The following SUFU variants were observed in gnomAD, a reference collection of about 807,000 sequenced individuals.
SUFU encodes the protein SUFU negative regulator of hedgehog signaling.
Under a neutral mutation model 58.9 loss-of-function variants are expected in SUFU, and 7 were observed. The observed-to-expected ratio is 0.12, with a 90% CI of 0.07 to 0.22. The LOEUF (loss-of-function observed/expected upper bound fraction) is 0.22, where lower values mean the gene tolerates loss of function less well. Ranked by LOEUF, SUFU falls within the 10% of genes least tolerant of loss-of-function variation. SUFU has a pLI of 1.00. For missense variants in SUFU, 451 were observed against 641.3 expected (o/e 0.70, Z 3.20); for synonymous variants, 232 against 254.8 (o/e 0.91, Z 0.85).
At chr10:102,588,888 T>C (rs1028528775) in intron 3 of SUFU, among the ~76,000 whole-genome samples, 1 of 152,214 alleles carries the variant, frequency 6.6e-6, no homozygotes, top group African/African-American at 2.4e-5. Flanking sequence ...AAAGAATTGT[T>C]TTTCTTACTT....
chr10:102,531,031 A>G (rs1021854840), intron 2 of SUFU, among the ~76,000 whole-genome samples: 2 of 150,356 alleles, frequency 1.3e-5, no homozygotes, highest in Admixed American at 1.3e-4. Context: ...TGAGCCCAGA[A>G]GTTTGAGACC....
In SUFU at chr10:102,625,700, C is replaced by T. The variant is rs1369458495; in HGVS notation, c.1297-1475C>T. ...GCCTGTTTCCTCCACTGTAAGGAGA[C>T]ATGGAGATGAGCAGTTAGCATGCCC... On this transcript the variant is annotated intron_variant, in intron 10 of 11. Transcript: ENST00000369902. This position sits in a 1 kb window ranked among gnomAD's most constrained non-coding sequence, Gnocchi z 4.7. 6.6e-6 allele frequency among the ~76,000 whole-genome samples: 1 copy of T among 152,170 alleles called. No homozygotes were observed. Among genetic ancestry groups the T allele is most frequent in the Non-Finnish European group, 1.5e-5 (1 of 68,038 alleles).
At chr10:102,624,419 A>G (rs2063768486) in intron 10 of SUFU, among the ~76,000 whole-genome samples, 1 of 152,096 alleles carries the variant, frequency 6.6e-6, no homozygotes, top group South Asian at 2.1e-4. Flanking sequence ...TAACTCCCAA[A>G]GGAAATTAAA....
At chr10:102,606,387 G>A (rs950914985) in intron 8 of SUFU, among the ~76,000 whole-genome samples, 1 of 152,194 alleles carries the variant, frequency 6.6e-6, no homozygotes, top group Non-Finnish European at 1.5e-5. Flanking sequence ...TGGTCCTCGC[G>A]GCTGAGTGGG....
At chr10:102,609,594 T>A (rs992294956) in intron 8 of SUFU, among the ~76,000 whole-genome samples, 1 of 152,230 alleles carries the variant, frequency 6.6e-6, no homozygotes, top group East Asian at 1.9e-4. Flanking sequence ...GTAACATTTA[T>A]CAGTGGCAGA....
intron 3 of SUFU, among the ~76,000 whole-genome samples, chr10:102,578,208 C>T (rs555699050): frequency 7.3e-5 from 11 of 149,950 alleles, no homozygotes; most frequent in African/African-American, 2.7e-4. Context: ...CTCGGGATCG[C>T]GCCACTGCAC....
In SUFU at chr10:102,504,220, C is replaced by T. The variant is rs2062290972; in HGVS notation, c.68C>T (p.Pro23Leu). The change falls in exon 1 of 12, where the codon CCC (proline) becomes CTC (leucine). Residue 23 changes from proline to leucine, a missense_variant. Pro to Leu is a moderately conservative substitution (Grantham distance 98). Transcript: ENST00000369902. ...TAPPAPGPTA[P>L]PAFASLFPPG... ...CCCCCGGCCCCTGGCCCGACTGCCC[C>T]CCCGGCCTTCGCTTCGCTCTTTCCC... 2 of 1,610,996 alleles carry T rather than the reference C, an allele frequency of 1.2e-6. No homozygotes were observed. The highest frequency in any genetic ancestry group is 1.3e-5 in the African/African-American group (1 of 74,862).
At chr10:102,554,806 C>G (rs1367988531) in intron 3 of SUFU, among the ~76,000 whole-genome samples, 1 of 152,186 alleles carries the variant, frequency 6.6e-6, no homozygotes, top group Non-Finnish European at 1.5e-5. Flanking sequence ...TTACTGCCTT[C>G]TTGGGCAACA....
At chr10:102,534,829 G>C (rs1243683009) in intron 2 of SUFU, among the ~76,000 whole-genome samples, 2 of 152,172 alleles carry the variant, frequency 1.3e-5, no homozygotes, top group Non-Finnish European at 2.9e-5. Flanking sequence ...AGCAACAGGA[G>C]GTCTGCGGTT....
chr10:102,532,293 A>G (rs1020852969), intron 2 of SUFU, among the ~76,000 whole-genome samples: 2 of 152,054 alleles, frequency 1.3e-5, no homozygotes, highest in African/African-American at 4.8e-5. Flanking sequence ...GCTTAACCCA[A>G]TTAGATGCCA....
At chr10:102,544,665 C>T (rs1181280218) in intron 2 of SUFU, among the ~76,000 whole-genome samples, 1 of 152,210 alleles carries the variant, frequency 6.6e-6, no homozygotes, top group Admixed American at 6.5e-5. Context: ...TGCCACTGCA[C>T]TCCAGCCTGG....
intron 3 of SUFU, among the ~76,000 whole-genome samples, chr10:102,577,804 C>T (rs1488636708): frequency 6.6e-6 from 1 of 151,264 alleles, no homozygotes; most frequent in African/African-American, 2.4e-5. Context: ...TTTGAGCCTC[C>T]TGAGTAGCTG....
chr10:102,585,712 T>G lies in SUFU; in HGVS notation c.455-6870T>G, dbSNP rs568033083. 5.3e-5 allele frequency among the ~76,000 whole-genome samples: 8 copies of G among 152,016 alleles called. 1 individual carries two copies. Among genetic ancestry groups the G allele is most frequent in the African/African-American group, 1.9e-4 (8 of 41,486 alleles). ...TGTTTGTTTTTTATAGAGATGGGGT[T>G]TTGCCATGGTTGCCCTGGCTGGTCT... is the stretch of plus-strand genomic sequence containing the variant. On this transcript the variant is annotated intron_variant, in intron 3 of 11. Coordinates refer to ENST00000369902, the MANE Select transcript of SUFU (RefSeq NM_016169.4).
chr10:102,585,942 T>C (rs938043341), intron 3 of SUFU, among the ~76,000 whole-genome samples: 1 of 148,416 alleles, frequency 6.7e-6, no homozygotes, highest in Non-Finnish European at 1.5e-5. Flanking sequence ...TGGAAGGCAA[T>C]GGCACGATCC....
At chr10:102,582,159 AG>A (rs1170082645) in intron 3 of SUFU, among the ~76,000 whole-genome samples, 1 of 152,182 alleles carries the variant, frequency 6.6e-6, no homozygotes, top group Non-Finnish European at 1.5e-5. Context: ...GGGCTCCCAA[AG>A]GGAACATTAG....
intron 3 of SUFU, among the ~76,000 whole-genome samples, chr10:102,586,234 T>C (rs1009999952): frequency 1.3e-5 from 2 of 152,190 alleles, no homozygotes; most frequent in African/African-American, 4.8e-5. Flanking sequence ...CCTTTGCTCA[T>C]TTTTAAATTG....
In SUFU at chr10:102,617,216, C is replaced by G. The variant is rs1007139758; in HGVS notation, c.1158-74C>G. 7 of 1,607,214 alleles carry G rather than the reference C, an allele frequency of 4.4e-6. No homozygotes were observed. The highest frequency in any genetic ancestry group is 5.1e-6 in the Non-Finnish European group (6 of 1,174,940). ...GACCATAGTCCCCACTGTCCCAGAG[C>G]CTTGGCCAGGCCTGCTGTGCTTGGA... On this transcript the variant is annotated intron_variant, in intron 9 of 11. Coordinates refer to ENST00000369902, the MANE Select transcript of SUFU (RefSeq NM_016169.4). The surrounding 1 kb of genome is among the most constrained non-coding windows in gnomAD (Gnocchi z 4.4).
chr10:102,600,386 T>A (rs1204250979), intron 8 of SUFU, among the ~76,000 whole-genome samples: 3 of 152,164 alleles, frequency 2.0e-5, no homozygotes, highest in Non-Finnish European at 4.4e-5. Flanking sequence ...TATTACACAT[T>A]TGCTGTCTGA....
At chr10:102,624,335 G>A (rs1259906992) in intron 10 of SUFU, among the ~76,000 whole-genome samples, 2 of 152,190 alleles carry the variant, frequency 1.3e-5, no homozygotes, top group Non-Finnish European at 1.5e-5. Flanking sequence ...GATAAGATCT[G>A]TTAACATTCT....
Sources: gnomAD v4.1 joint callset for allele counts (sites outside exome capture counted in the v4.1 genomes callset) on GRCh38, gnomAD v4.1.1 for gene constraint, Gnocchi (gnomAD v3.1) non-coding constraint, MANE v1.5 for transcripts, NCBI Gene and HGNC (gene_info 2026-07-23, HGNC 2026-07-21) for gene names.